Variants in NRG3 observed in about 807,000 individuals in gnomAD.
The protein encoded by NRG3 is pro-neuregulin-3, membrane-bound isoform.
In NRG3, 31 loss-of-function variants were observed where a neutral mutation model predicts 66.9. That is an observed-to-expected ratio of 0.46 (90% CI 0.35 to 0.63). The LOEUF is 0.63. Ranked by LOEUF, NRG3 falls within the 20% of genes least tolerant of loss-of-function variation. NRG3 has a pLI of 0.00. For missense variants in NRG3, 910 were observed against 878.9 expected, an observed-to-expected ratio of 1.04 and a Z score of -0.45; for synonymous variants, 393 against 359.4, an observed-to-expected ratio of 1.09 and a Z score of -1.06.
intron 1 of NRG3, among the ~76,000 whole-genome samples, chr10:81,895,291 C>T (rs1843410575): frequency 6.6e-6 from 1 of 152,192 alleles, no homozygotes; most frequent in African/African-American, 2.4e-5. Flanking sequence ...GCCTTAGTCT[C>T]TGCCTTTTTT....
chr10:82,598,882 T>G (rs2133377295), intron 2 of NRG3, among the ~76,000 whole-genome samples: 1 of 152,152 alleles, frequency 6.6e-6, no homozygotes, highest in Non-Finnish European at 1.5e-5. Context: ...AAATCCTGTC[T>G]CTACTAAAAA....
At chr10:82,051,375 A>G (rs2063584471) in intron 1 of NRG3, among the ~76,000 whole-genome samples, 1 of 152,056 alleles carries the variant, frequency 6.6e-6, no homozygotes, top group South Asian at 2.1e-4. Context: ...ACTCTAACCA[A>G]CTTTTCTGTC....
At chr10:82,161,962 G>A (rs991770060) in intron 1 of NRG3, among the ~76,000 whole-genome samples, 1 of 152,050 alleles carries the variant, frequency 6.6e-6, no homozygotes, top group African/African-American at 2.4e-5. Flanking sequence ...ATAACAAAGT[G>A]GCCCATCACT....
chr10:81,981,457 G>C (rs1034840248), intron 1 of NRG3, among the ~76,000 whole-genome samples: 1 of 152,212 alleles, frequency 6.6e-6, no homozygotes, highest in African/African-American at 2.4e-5. Flanking sequence ...AGGCCCACTG[G>C]GGTGGTGGCT....
chr10:82,709,726 G>T (rs527435784), intron 2 of NRG3, among the ~76,000 whole-genome samples: 14 of 152,224 alleles, frequency 9.2e-5, no homozygotes, highest in Middle Eastern at 3.4e-3. Context: ...GTTGCAAGCA[G>T]AAAGCCTTAC....
chr10:82,934,254 A>G (rs969477889), intron 4 of NRG3, among the ~76,000 whole-genome samples: 2 of 152,268 alleles, frequency 1.3e-5, no homozygotes, highest in African/African-American at 4.8e-5. Context: ...AACTATTGCC[A>G]TAATGCGGTT....
At chr10:82,772,166 G>A (rs1473126101) in intron 3 of NRG3, among the ~76,000 whole-genome samples, 1 of 151,908 alleles carries the variant, frequency 6.6e-6, no homozygotes, top group Non-Finnish European at 1.5e-5. Context: ...ATGCATATTT[G>A]AGGTTTATAA....
rs868854228 is a variant in NRG3, at chr10:82,610,674, T to C, written c.954-127903T>C. Among the ~76,000 whole-genome samples the C allele has an allele frequency of 3.9e-5, 6 of 152,292 alleles. No homozygotes were observed. In the South Asian group the frequency reaches 8.3e-4, roughly 21 times the overall value. On this transcript the variant is annotated intron_variant, in intron 2 of 8. Coordinates refer to ENST00000372141, the MANE Select transcript of NRG3 (RefSeq NM_001010848.4). ...AGCATCTTAAAAAATCTGGAAGATT[T>C]AGTGTTGGTCATACAAAGTCACCCT...
At chr10:82,272,855 T>C (rs985495880) in intron 1 of NRG3, among the ~76,000 whole-genome samples, 2 of 152,056 alleles carry the variant, frequency 1.3e-5, no homozygotes, top group African/African-American at 4.8e-5. Context: ...CTGCTGTCCT[T>C]GGATTACTTC....
intron 1 of NRG3, among the ~76,000 whole-genome samples, chr10:82,346,633 A>G (rs2083041759): frequency 1.3e-5 from 2 of 151,508 alleles, no homozygotes; most frequent in Admixed American, 1.3e-4. Flanking sequence ...TAGTTTCAGA[A>G]GGAATGGTAC....
At chr10:82,024,189 G>A (rs1362304598) in intron 1 of NRG3, among the ~76,000 whole-genome samples, 5 of 151,872 alleles carry the variant, frequency 3.3e-5, no homozygotes, top group Non-Finnish European at 5.9e-5. Context: ...TGTGGTATCA[G>A]TTTTAGTATC....
intron 2 of NRG3, among the ~76,000 whole-genome samples, chr10:82,576,379 A>G (rs1050477976): frequency 6.6e-6 from 1 of 151,466 alleles, no homozygotes; most frequent in East Asian, 1.9e-4. Context: ...TCTCAAAAAA[A>G]AATAATTCCT....
At chr10:82,025,731 G>T (rs2132813140) in intron 1 of NRG3, among the ~76,000 whole-genome samples, 1 of 152,206 alleles carries the variant, frequency 6.6e-6, no homozygotes, top group East Asian at 1.9e-4. Flanking sequence ...GTTACTAAGA[G>T]AATCCAAAAT....
At chr10:82,807,209 A>G (rs2061326573) in intron 3 of NRG3, among the ~76,000 whole-genome samples, 1 of 152,310 alleles carries the variant, frequency 6.6e-6, no homozygotes, top group African/African-American at 2.4e-5. Flanking sequence ...TAAAAAGACA[A>G]ATGTTATAAA....
chr10:82,349,157 C>T (rs894265554), intron 1 of NRG3, among the ~76,000 whole-genome samples: 12 of 151,242 alleles, frequency 7.9e-5, no homozygotes, highest in African/African-American at 2.9e-4. Context: ...TTTAGAGTTT[C>T]CAGTTTTTCT....
rs10694679 is a variant in NRG3, at chr10:82,362,548, G to GTTTTTTTTTTT, written c.953+3691_953+3701dup. Among the ~76,000 whole-genome samples the GTTTTTTTTTTT allele has an allele frequency of 8.0e-3, 665 of 83,132 alleles. 66 individuals carry two copies. Among genetic ancestry groups the GTTTTTTTTTTT allele is most frequent in the Middle Eastern group, 0.018 (2 of 112 alleles). 54.5% of individuals were successfully genotyped at this position (83,132 alleles called of 152,430 possible). A position where few individuals can be genotyped will look rare whatever the true frequency, so the allele number is the denominator to read the frequency against. ...ACCACCATGCCCAGATAATTTCTGG[G>GTTTTTTTTTTT]TTTTTTTTTTTTTTTTTTTTTCGTA... On this transcript the variant is annotated intron_variant, in intron 2 of 8. Transcript: ENST00000372141.
intron 1 of NRG3, among the ~76,000 whole-genome samples, chr10:82,294,013 G>A (rs2079899629): frequency 6.6e-6 from 1 of 151,412 alleles, no homozygotes; most frequent in African/African-American, 2.4e-5. Flanking sequence ...TCTGGTTTTT[G>A]GCCTTTGACA....
At chr10:82,417,856 G>T (rs1456714336) in intron 2 of NRG3, among the ~76,000 whole-genome samples, 1 of 152,172 alleles carries the variant, frequency 6.6e-6, no homozygotes. Context: ...CATCAGTCTG[G>T]CTCTTAAGAG....
At chr10:82,716,918 T>A (rs1247948650) in intron 2 of NRG3, among the ~76,000 whole-genome samples, 3 of 152,192 alleles carry the variant, frequency 2.0e-5, no homozygotes, top group African/African-American at 7.2e-5. Context: ...TTACATAATA[T>A]GAAAACATAA....
Sources: allele counts gnomAD v4.1 joint callset (sites outside exome capture counted in the v4.1 genomes callset), GRCh38; gene constraint gnomAD v4.1.1; transcripts MANE v1.5; gene names NCBI Gene and HGNC (gene_info 2026-07-23, HGNC 2026-07-21).